Variants in BTBD9 observed in about 807,000 individuals in gnomAD.
The protein encoded by BTBD9 is BTB domain containing 9.
A neutral mutation model predicts 64.3 loss-of-function variants in BTBD9; 49 were observed. The observed-to-expected ratio is 0.76, with a 90% CI of 0.61 to 0.97. BTBD9 has a LOEUF of 0.97. Ranked by LOEUF, BTBD9 falls within the 50% of genes least tolerant of loss-of-function variation. The pLI is 0.00. For synonymous variants in BTBD9, 260 were observed against 274.7 expected (o/e 0.95, Z 0.53); for missense variants, 598 against 762.1 (o/e 0.78, Z 2.53).
At chr6:38,409,461 A>G (rs888451474) in intron 6 of BTBD9, among the ~76,000 whole-genome samples, 1 of 152,166 alleles carries the variant, frequency 6.6e-6, no homozygotes, top group Non-Finnish European at 1.5e-5. Flanking sequence ...ATATTTCTAA[A>G]ATTCAGGAAA....
intron 6 of BTBD9, among the ~76,000 whole-genome samples, chr6:38,555,050 A>G (rs1774956771): frequency 6.6e-6 from 1 of 152,228 alleles, no homozygotes; most frequent in East Asian, 1.9e-4. Context: ...CAGTACCCCC[A>G]AACTGGAAAT....
chr6:38,515,140 A>G (rs1772959164), intron 6 of BTBD9, among the ~76,000 whole-genome samples: 1 of 152,204 alleles, frequency 6.6e-6, no homozygotes. Flanking sequence ...CTGTCTGAAG[A>G]TGGATTAATC....
chr6:38,619,190 C>G (rs985701985), intron 1 of BTBD9, among the ~76,000 whole-genome samples: 2 of 152,114 alleles, frequency 1.3e-5, no homozygotes, highest in African/African-American at 4.8e-5. Flanking sequence ...AAGTTTATTA[C>G]CCAGTCAGCC....
chr6:38,629,790 C>G (rs1175539923), intron 1 of BTBD9, among the ~76,000 whole-genome samples: 1 of 151,866 alleles, frequency 6.6e-6, no homozygotes. Flanking sequence ...CCATTGCACT[C>G]CAGCCTGGGC....
intron 6 of BTBD9, among the ~76,000 whole-genome samples, chr6:38,485,218 G>A (rs1771341101): frequency 6.6e-6 from 1 of 152,150 alleles, no homozygotes; most frequent in Non-Finnish European, 1.5e-5. Flanking sequence ...ATTAAAGTTT[G>A]CAGCAATCCA....
intron 9 of BTBD9, among the ~76,000 whole-genome samples, chr6:38,220,941 C>A (rs1441348157): frequency 1.3e-5 from 2 of 152,174 alleles, no homozygotes; most frequent in Admixed American, 1.3e-4. Context: ...CAAGGTCATA[C>A]AGATGCAAGA....
intron 6 of BTBD9, among the ~76,000 whole-genome samples, chr6:38,426,860 G>C (rs1378691390): frequency 6.6e-6 from 1 of 151,766 alleles, no homozygotes. Flanking sequence ...CTCGGAAGCA[G>C]CTTGCCACCA....
chr6:38,219,135 T>G (rs972874980), intron 9 of BTBD9, among the ~76,000 whole-genome samples: 3 of 118,664 alleles, frequency 2.5e-5, no homozygotes, highest in Non-Finnish European at 5.6e-5. Context: ...TTTTCTTTTT[T>G]TTTTTTTTTT....
intron 8 of BTBD9, among the ~76,000 whole-genome samples, chr6:38,266,611 A>AAAGG (rs1491467324): frequency 9.1e-4 from 9 of 9,874 alleles, no homozygotes; most frequent in East Asian, 5.3e-3. Flanking sequence ...GAAAGGAAAG[A>AAAGG]AAGAAAGAAA....
At chr6:38,246,005 C>T (rs1217298487) in intron 9 of BTBD9, among the ~76,000 whole-genome samples, 1 of 152,148 alleles carries the variant, frequency 6.6e-6, no homozygotes, top group African/African-American at 2.4e-5. Flanking sequence ...CTCTCAGATT[C>T]TTCTTCCTGA....
At chr6:38,321,783 T>G (rs1763242752) in intron 7 of BTBD9, among the ~76,000 whole-genome samples, 1 of 151,978 alleles carries the variant, frequency 6.6e-6, no homozygotes, top group South Asian at 2.1e-4. Context: ...CTTTCTCCTG[T>G]TTGCCTACTT....
intron 7 of BTBD9, among the ~76,000 whole-genome samples, chr6:38,301,909 ATG>A (rs1762417975): frequency 6.6e-6 from 1 of 151,962 alleles, no homozygotes; most frequent in African/African-American, 2.4e-5. Context: ...TAGCTTTTGA[ATG>A]TGTTTGCTCT....
At chr6:38,296,197 CTTTTCTT>C (rs1227159942) in intron 7 of BTBD9, among the ~76,000 whole-genome samples, 1 of 152,002 alleles carries the variant, frequency 6.6e-6, no homozygotes, top group Non-Finnish European at 1.5e-5. Flanking sequence ...CCTCCTTTTC[CTTTTCTT>C]TTTTCTTTTA....
chr6:38,275,716 G>C (rs1335955568), intron 8 of BTBD9, among the ~76,000 whole-genome samples: 1 of 152,162 alleles, frequency 6.6e-6, no homozygotes, highest in East Asian at 1.9e-4. Flanking sequence ...CTCAAAAGAA[G>C]ATATTTATGC....
chr6:38,482,066 G>A (rs1771176559), intron 6 of BTBD9: 1 of 152,202 alleles, frequency 6.6e-6, no homozygotes, highest in Non-Finnish European at 1.5e-5. Flanking sequence ...TTTCTTCCCA[G>A]TCCAAGAAGA....
chr6:38,181,589 T>G (rs978808359), intron 10 of BTBD9, among the ~76,000 whole-genome samples: 3 of 152,230 alleles, frequency 2.0e-5, no homozygotes, highest in Non-Finnish European at 4.4e-5. Flanking sequence ...ACTGCAGAGA[T>G]GTTTTGTTTT....
chr6:38,490,069 A>T (rs1771634533), intron 6 of BTBD9, among the ~76,000 whole-genome samples: 1 of 152,200 alleles, frequency 6.6e-6, no homozygotes, highest in East Asian at 1.9e-4. Context: ...TAGTTTCTAA[A>T]AAGCAGCCAG....
At chr6:38,451,100 C>T (rs1447889506) in intron 6 of BTBD9, among the ~76,000 whole-genome samples, 1 of 152,084 alleles carries the variant, frequency 6.6e-6, no homozygotes, top group Non-Finnish European at 1.5e-5. Context: ...ACATATGATC[C>T]CCGATTACTC....
intron 6 of BTBD9, among the ~76,000 whole-genome samples, chr6:38,368,866 C>T (rs1765299146): frequency 6.6e-6 from 1 of 152,144 alleles, no homozygotes; most frequent in Admixed American, 6.5e-5. Context: ...AATCACAATT[C>T]ACAGCTCGAT....
Sources: gnomAD v4.1 joint callset for allele counts (sites outside exome capture counted in the v4.1 genomes callset) on GRCh38, gnomAD v4.1.1 for gene constraint, MANE v1.5 for transcripts, NCBI Gene and HGNC (gene_info 2026-07-23, HGNC 2026-07-21) for gene names.